Variants in XKR4 observed in about 807,000 individuals in gnomAD.
XKR4 encodes the protein XK related 4, also known as XK-related protein 4.
A neutral mutation model predicts 53.9 loss-of-function variants in XKR4; 12 were observed. The observed-to-expected ratio is 0.22, with a 90% confidence interval of 0.14 to 0.36. XKR4 has a LOEUF of 0.36. Ranked by LOEUF, XKR4 falls within the 10% of genes least tolerant of loss-of-function variation. XKR4 has a pLI of 1.00. For synonymous variants in XKR4, 354 were observed against 362.4 expected (o/e 0.98, Z 0.26); for missense variants, 799 against 859.5 (o/e 0.93, Z 0.88).
At chr8:55,217,714 G>A (rs1817824871) in intron 1 of XKR4, among the ~76,000 whole-genome samples, 1 of 151,708 alleles carries the variant, frequency 6.6e-6, no homozygotes, top group Non-Finnish European at 1.5e-5. Flanking sequence ...TTTTTACAGA[G>A]TTCAAAATAC....
At chr8:55,321,895 A>T (rs1470120656) in intron 1 of XKR4, among the ~76,000 whole-genome samples, 1 of 152,222 alleles carries the variant, frequency 6.6e-6, no homozygotes, top group Non-Finnish European at 1.5e-5. Flanking sequence ...AGGCTGAGGC[A>T]GGAGAATCTC....
chr8:55,161,809 A>G (rs1816990658), intron 1 of XKR4, among the ~76,000 whole-genome samples: 1 of 152,242 alleles, frequency 6.6e-6, no homozygotes, highest in Non-Finnish European at 1.5e-5. Context: ...TAGCAAAGTT[A>G]AGTATCTGAG....
At chr8:55,383,527 T>G (rs1389135420) in intron 2 of XKR4, among the ~76,000 whole-genome samples, 1 of 152,196 alleles carries the variant, frequency 6.6e-6, no homozygotes, top group Non-Finnish European at 1.5e-5. Context: ...GGAATTTGGG[T>G]GTTTGGCTTT....
At chr8:55,478,714 G>A (rs1156300938) in intron 2 of XKR4, among the ~76,000 whole-genome samples, 1 of 152,050 alleles carries the variant, frequency 6.6e-6, no homozygotes, top group Non-Finnish European at 1.5e-5. Flanking sequence ...GATCTACCAA[G>A]CAAATGGAAA....
intron 2 of XKR4, among the ~76,000 whole-genome samples, chr8:55,404,856 G>C (rs950630379): frequency 6.6e-6 from 1 of 152,216 alleles, no homozygotes; most frequent in South Asian, 2.1e-4. Context: ...GAGGTACAAA[G>C]TGTGTTTGGA....
chr8:55,204,712 G>A (rs1427633066), intron 1 of XKR4, among the ~76,000 whole-genome samples: 1 of 152,092 alleles, frequency 6.6e-6, no homozygotes, highest in Admixed American at 6.6e-5. Context: ...GAAAATTCTT[G>A]GAAAGAATAT....
chr8:55,200,616 A>G (rs9298529), intron 1 of XKR4, among the ~76,000 whole-genome samples: 14,295 of 152,234 alleles, frequency 0.094, 1,761 homozygotes, highest in African/African-American at 0.28. Flanking sequence ...ACTGTATCCA[A>G]TAAGTCAGGT....
intron 2 of XKR4, among the ~76,000 whole-genome samples, chr8:55,375,108 C>G (rs565242810): frequency 6.6e-6 from 1 of 152,344 alleles, no homozygotes; most frequent in African/African-American, 2.4e-5. Flanking sequence ...AATTCCATTG[C>G]CAGTGATCTT....
At chr8:55,499,724 A>G (rs1806407389) in intron 2 of XKR4, among the ~76,000 whole-genome samples, 1 of 152,306 alleles carries the variant, frequency 6.6e-6, no homozygotes, top group Admixed American at 6.5e-5. Context: ...CACACTAATA[A>G]TACTAATTTG....
intron 1 of XKR4, among the ~76,000 whole-genome samples, chr8:55,125,141 A>C (rs1816445293): frequency 6.6e-6 from 1 of 152,236 alleles, no homozygotes; most frequent in East Asian, 1.9e-4. Flanking sequence ...TTTTTAAAAA[A>C]TCCATTTTAG....
chr8:55,201,056 G>A (rs1817571826), intron 1 of XKR4, among the ~76,000 whole-genome samples: 2 of 152,138 alleles, frequency 1.3e-5, no homozygotes, highest in Admixed American at 6.5e-5. Flanking sequence ...TGTTATTGTT[G>A]TGGTTATCTG....
intron 2 of XKR4, chr8:55,449,416 G>T (rs1315087694): frequency 6.1e-6 from 4 of 659,712 alleles, no homozygotes; most frequent in Non-Finnish European, 8.2e-6. Flanking sequence ...GCCGAGGGCC[G>T]GGCCGGGGCT....
At chr8:55,134,533 T>G (rs1816598150) in intron 1 of XKR4, among the ~76,000 whole-genome samples, 1 of 152,240 alleles carries the variant, frequency 6.6e-6, no homozygotes, top group Non-Finnish European at 1.5e-5. Flanking sequence ...CTCTGTTCAT[T>G]CTTCCCAGCA....
At chr8:55,444,731 G>A (rs1251765023) in intron 2 of XKR4, among the ~76,000 whole-genome samples, 1 of 152,146 alleles carries the variant, frequency 6.6e-6, no homozygotes, top group Admixed American at 6.5e-5. Flanking sequence ...GGGAATGTAT[G>A]TTACTTTATG....
Position 55,257,624 on chromosome 8 carries a change from A to G in XKR4, c.807-100054A>G, listed in dbSNP as rs116818340. Among the ~76,000 whole-genome samples, 803 of 152,302 alleles carry G rather than the reference A, an allele frequency of 5.3e-3. 10 individuals carry two copies. The highest frequency in any genetic ancestry group is 0.016 in the African/African-American group (675 of 41,558). ...TTCAAAAACTTAAACTTTTATGCAA[A>G]TATATGCAGAATCAATATTATATGT... On this transcript the variant is annotated intron_variant, in intron 1 of 2. Coordinates refer to ENST00000327381, the MANE Select transcript of XKR4 (RefSeq NM_052898.2).
intron 2 of XKR4, among the ~76,000 whole-genome samples, chr8:55,430,522 G>T (rs1406988962): frequency 6.6e-6 from 1 of 152,212 alleles, no homozygotes; most frequent in Non-Finnish European, 1.5e-5. Context: ...TATGGGGTAA[G>T]GATGGAGGGA....
intron 2 of XKR4, among the ~76,000 whole-genome samples, chr8:55,395,402 G>A (rs1374743016): frequency 1.3e-5 from 2 of 151,958 alleles, no homozygotes; most frequent in African/African-American, 2.4e-5. Flanking sequence ...TGACCATGAA[G>A]TAGAAAAGTG....
intron 1 of XKR4, among the ~76,000 whole-genome samples, chr8:55,259,507 C>T (rs1818486620): frequency 6.6e-6 from 1 of 152,042 alleles, no homozygotes; most frequent in South Asian, 2.1e-4. Flanking sequence ...TTGGGGTTTG[C>T]CCTTCGTTGT....
chr8:55,323,866 C>T (rs1333576112), intron 1 of XKR4, among the ~76,000 whole-genome samples: 1 of 152,108 alleles, frequency 6.6e-6, no homozygotes, highest in East Asian at 1.9e-4. Flanking sequence ...TCTCTATTAT[C>T]ACTATTCCAC....
Sources: gnomAD v4.1 joint callset for allele counts (sites outside exome capture counted in the v4.1 genomes callset) on GRCh38, gnomAD v4.1.1 for gene constraint, MANE v1.5 for transcripts, NCBI Gene and HGNC (gene_info 2026-07-23, HGNC 2026-07-21) for gene names.